The following SNAP23 variants were observed in gnomAD, a reference collection of about 807,000 sequenced individuals.
SNAP23 encodes synaptosomal-associated protein 23.
A neutral mutation model predicts 29.0 loss-of-function variants in SNAP23; 11 were observed. The ratio of observed to expected loss-of-function variants is 0.38; its 90% CI spans 0.24 to 0.63. The LOEUF is 0.63. Among genes scored for constraint, SNAP23 ranks in the 20% least tolerant of loss-of-function variants. SNAP23 has a pLI of 0.58. For synonymous variants in SNAP23, 60 were observed against 82.9 expected, an observed-to-expected ratio of 0.72 and a Z score of 1.50; for missense variants, 220 against 253.9, an observed-to-expected ratio of 0.87 and a Z score of 0.91.
chr15:42,491,789 C>T (rs2057166899), upstream of SNAP23, among the ~76,000 whole-genome samples: 1 of 152,162 alleles, frequency 6.6e-6, no homozygotes, highest in Admixed American at 6.5e-5. Context: ...ACCATGTTGC[C>T]CAGGCTGGTC....
At chr15:42,525,451 CTTTTT>C (rs1158969519) in intron 5 of SNAP23, among the ~76,000 whole-genome samples, 34 of 47,172 alleles carry the variant, frequency 7.2e-4, no homozygotes, top group East Asian at 4.8e-3. Flanking sequence ...ATCCAGTCTT[CTTTTT>C]TTTTTTTTTT....
intron 7 of SNAP23, among the ~76,000 whole-genome samples, chr15:42,530,386 T>C (rs2057552011): frequency 6.6e-6 from 1 of 152,108 alleles, no homozygotes; most frequent in Non-Finnish European, 1.5e-5. Context: ...GTTGTGATTC[T>C]TTTTTTTCCC....
At chr15:42,514,256 T>C (rs2057381042) in intron 4 of SNAP23, among the ~76,000 whole-genome samples, 1 of 152,048 alleles carries the variant, frequency 6.6e-6, no homozygotes, top group Admixed American at 6.6e-5. Flanking sequence ...TTCTCCTGGC[T>C]CAGCCTCCTG....
At chr15:42,499,318 C>T (rs771427127) in intron 1 of SNAP23, among the ~76,000 whole-genome samples, 37 of 152,112 alleles carry the variant, frequency 2.4e-4, no homozygotes, top group Non-Finnish European at 3.7e-4. Flanking sequence ...GTGATCCGCT[C>T]GCCTCAGCCT....
intron 3 of SNAP23, 119 bp downstream of exon 3, chr15:42,513,115 C>A: frequency 1.2e-6 from 1 of 848,440 alleles, no homozygotes; most frequent in Non-Finnish European, 2.0e-6. Context: ...TTGAAATTAA[C>A]AGTTGCTGAA....
At chr15:42,503,368 ATTTT>A (rs5812222) in intron 1 of SNAP23, among the ~76,000 whole-genome samples, 2 of 116,278 alleles carry the variant, frequency 1.7e-5, no homozygotes. Flanking sequence ...CGCCTGGCTA[ATTTT>A]TTTTTTTTTT....
upstream of SNAP23, chr15:42,491,291 G>C (rs1319604788): frequency 6.6e-6 from 1 of 152,408 alleles, no homozygotes; most frequent in Non-Finnish European, 1.5e-5. Context: ...CCCGCTTGCG[G>C]GAGAGTCAGT....
At chr15:42,498,023 C>A (rs1012805400) in intron 1 of SNAP23, among the ~76,000 whole-genome samples, 1 of 152,184 alleles carries the variant, frequency 6.6e-6, no homozygotes, top group Non-Finnish European at 1.5e-5. Flanking sequence ...GGTGGGCTCC[C>A]AAGGCCTTGA....
At chr15:42,514,356 G>T (rs993687559) in intron 4 of SNAP23, among the ~76,000 whole-genome samples, 2 of 151,760 alleles carry the variant, frequency 1.3e-5, no homozygotes, top group African/African-American at 4.8e-5. Context: ...TGGCCAGGTT[G>T]ATGTCGAACT....
Position 42,524,270 on chromosome 15 carries a change from T to C in SNAP23, c.267-3992T>C, listed in dbSNP as rs540230531. ...CGCTAAATGTCCCACTGACCTTATA[T>C]AAAACAACAACAAACGATTCCCAGG... On this transcript the variant is annotated intron_variant, in intron 5 of 7. Coordinates refer to ENST00000249647, the MANE Select transcript of SNAP23 (RefSeq NM_003825.4). Among the ~76,000 whole-genome samples, 8 of 152,220 alleles carry C rather than the reference T, an allele frequency of 5.3e-5. No homozygotes were observed. In the South Asian group the frequency reaches 1.7e-3, roughly 32 times the overall value.
chr15:42,501,332 C>A (rs2057268278), intron 1 of SNAP23, among the ~76,000 whole-genome samples: 1 of 152,174 alleles, frequency 6.6e-6, no homozygotes, highest in Non-Finnish European at 1.5e-5. Context: ...AATTTAAAAT[C>A]ATAATTTTTT....
At chr15:42,520,729 C>G (rs574169344) in intron 5 of SNAP23, among the ~76,000 whole-genome samples, 2 of 152,218 alleles carry the variant, frequency 1.3e-5, no homozygotes, top group Middle Eastern at 3.4e-3. Flanking sequence ...CTCCTGACCT[C>G]GTGATCCGCC....
intron 1 of SNAP23, among the ~76,000 whole-genome samples, chr15:42,506,940 T>C (rs1464590032): frequency 6.6e-6 from 1 of 151,796 alleles, no homozygotes; most frequent in East Asian, 1.9e-4. Flanking sequence ...TGCCTCAGCC[T>C]CCTGAGTAGC....
chr15:42,505,492 C>G (rs1035890160), intron 1 of SNAP23: 1 of 151,972 alleles, frequency 6.6e-6, no homozygotes, highest in Non-Finnish European at 1.5e-5. Context: ...TATTTCTTTC[C>G]AAGAAGCTCA....
At chr15:42,492,910 AG>A (rs957428228), upstream of SNAP23, 1 of 152,258 alleles carries the variant, frequency 6.6e-6, no homozygotes, top group Non-Finnish European at 1.5e-5. Flanking sequence ...GCCATCATTC[AG>A]GGAAAAGCCT....
At chr15:42,507,706 A>G (rs1466126379) in intron 1 of SNAP23, among the ~76,000 whole-genome samples, 1 of 152,176 alleles carries the variant, frequency 6.6e-6, no homozygotes, top group Non-Finnish European at 1.5e-5. Context: ...GTAGCTAATT[A>G]TAGGTTACAT....
chr15:42,516,239 A>G (rs1037377941), intron 5 of SNAP23, among the ~76,000 whole-genome samples: 1 of 152,188 alleles, frequency 6.6e-6, no homozygotes, highest in Non-Finnish European at 1.5e-5. Context: ...ATCACAGCTC[A>G]CTGCAGCCTC....
At chr15:42,517,704 A>G (rs935716002) in intron 5 of SNAP23, among the ~76,000 whole-genome samples, 1 of 152,124 alleles carries the variant, frequency 6.6e-6, no homozygotes, top group African/African-American at 2.4e-5. Flanking sequence ...TTCTCAGTGG[A>G]TCAAGAGAAG....
intron 5 of SNAP23, among the ~76,000 whole-genome samples, chr15:42,516,225 C>T (rs1490518745): frequency 2.6e-5 from 4 of 152,096 alleles, no homozygotes; most frequent in Admixed American, 2.6e-4. Context: ...AATGCAGTGG[C>T]GTGATCACAG....
Sources: allele counts gnomAD v4.1 joint callset (sites outside exome capture counted in the v4.1 genomes callset), GRCh38; gene constraint gnomAD v4.1.1; transcripts MANE v1.5; gene names NCBI Gene and HGNC (gene_info 2026-07-23, HGNC 2026-07-21).